USP8: variants seen among roughly 807,000 people sequenced by gnomAD.
The protein encoded by USP8 is ubiquitin specific peptidase 8.
USP8 carries 27 observed loss-of-function variants against 130.0 expected under a neutral mutation model. The observed-to-expected ratio is 0.21, with a 90% CI of 0.15 to 0.29. USP8 has a LOEUF of 0.29. Ranked by LOEUF, USP8 falls within the 10% of genes least tolerant of loss-of-function variation. The pLI is 1.00. For missense variants in USP8, 1,029 were observed against 1,312.2 expected (o/e 0.78, Z 3.33); for synonymous variants, 392 against 444.1 (o/e 0.88, Z 1.48).
chr15:50,498,425 A>G (rs1008483287), intron 18 of USP8, 171 bp from the exon 19 acceptor site: 8 of 829,080 alleles, frequency 9.6e-6, no homozygotes, highest in Non-Finnish European at 1.4e-5. Context: ...TCTTGTTTGT[A>G]AAATGGAAAT....
At chr15:50,475,989 G>A (rs533162848) in intron 8 of USP8, among the ~76,000 whole-genome samples, 1 of 152,242 alleles carries the variant, frequency 6.6e-6, no homozygotes, top group African/African-American at 2.4e-5. Context: ...CTTAGCTTAA[G>A]CAACTCCCTT....
intron 10 of USP8, among the ~76,000 whole-genome samples, chr15:50,481,083 C>T (rs977042661): frequency 1.3e-4 from 20 of 152,056 alleles, no homozygotes; most frequent in African/African-American, 3.9e-4. Flanking sequence ...ATCGTGAATC[C>T]GTTTTGGCTG....
chr15:50,441,197 C>T (rs1005306360), intron 2 of USP8, 152 bp from the exon 3 acceptor site: 14 of 628,146 alleles, frequency 2.2e-5, no homozygotes, highest in East Asian at 9.8e-5. Flanking sequence ...GTCTGCTGTG[C>T]GTCCTGGTTC....
chr15:50,491,777 CCAG>C (rs2141319605), intron 14 of USP8, among the ~76,000 whole-genome samples: 1 of 152,350 alleles, frequency 6.6e-6, no homozygotes, highest in East Asian at 1.9e-4. Flanking sequence ...CCAGCACTGT[CCAG>C]CAGATCTTTC....
rs770689793 is a variant in USP8, at chr15:50,499,057, T to C, written c.3326T>C (p.Leu1109Ser). 4 of 1,612,552 alleles carry C rather than the reference T, an allele frequency of 2.5e-6. No individual in the cohort carries two copies. Among genetic ancestry groups the C allele is most frequent in the Non-Finnish European group, 2.5e-6 (3 of 1,179,252 alleles). Residue 1109 changes from leucine (L) to serine (S), a missense_variant, in exon 20 of 20, where the codon TTG (leucine) becomes TCG (serine). Physicochemically the swap from Leu to Ser is moderately radical, Grantham distance 145. This residue lies in a region of USP8 where 257 missense variants were observed against 429.8 expected (regional missense o/e 0.60). Transcript: ENST00000307179. ...SAAYILFYTSLGPRVTDVAT is the reference protein window; with the variant it reads ...SAAYILFYTSSGPRVTDVAT ...GCTTATATCCTCTTTTATACTTCAT[T>C]GGGACCACGAGTAACTGATGTAGCC...
intron 1 of USP8, among the ~76,000 whole-genome samples, chr15:50,426,079 T>C (rs12593481): frequency 0.51 from 77,518 of 152,042 alleles, 20,013 homozygotes; most frequent in East Asian, 0.59. Flanking sequence ...CGAGATTGCG[T>C]CATTGCACTC....
Position 50,488,650 on chromosome 15 carries a change from C to T in USP8, c.1891-1151C>T, listed in dbSNP as rs375439721. 9.6e-4 allele frequency among the ~76,000 whole-genome samples: 145 copies of T among 150,588 alleles called. 4 individuals are homozygous for T. In the South Asian group the frequency reaches 0.024, roughly 25 times the overall value. The stretch of plus-strand genomic sequence containing the variant: ...CACAAACTCAGCTCACTGCAACCTC[C>T]GCCTCCCAGGTTCAAGCAATTCTCC... On this transcript the variant is annotated intron_variant, in intron 12 of 19. Transcript: ENST00000307179.
rs2052737074 is a variant in USP8 at position 50,511,319 on chromosome 15, G to C, written c.*12231G>C. On this transcript the variant is annotated 3_prime_UTR_variant, in exon 20 of 20. Coordinates refer to ENST00000307179, the MANE Select transcript of USP8 (RefSeq NM_005154.5). ...GGAAACTGGAACCTTAGTTCCAGTT[G>C]CTGGTGGGAACGTAAAATGCTGCTG... 6.6e-6 allele frequency: 1 copy of C among 152,134 alleles called. No individual in the cohort carries two copies. Among genetic ancestry groups the C allele is most frequent in the Non-Finnish European group, 1.5e-5 (1 of 68,024 alleles). The allele number at this position is 152,134 out of a possible 1,614,324, so 9.4% of individuals were successfully genotyped here.
Position 50,477,358 on chromosome 15 carries a change from T to G in USP8, c.1077T>G (p.Asp359Glu), listed in dbSNP as rs1407040575. ...CGCCACCTGCATCTATAGAAGTAGATGAAAATATAGAATTGATAAGTGGTC... is the reference window on the plus strand; with the variant it reads ...CGCCACCTGCATCTATAGAAGTAGAGGAAAATATAGAATTGATAAGTGGTC... ...AQTPPASIEVDENIELISGQN... is the reference protein window; with the variant it reads ...AQTPPASIEVEENIELISGQN... The change falls in exon 10 of 20, where the codon GAT becomes GAG. Residue 359 changes from aspartate (D) to glutamate (E), a missense_variant. By Grantham distance (45) the Asp-to-Glu change is conservative. This residue lies in a region of USP8 where 486 missense variants were observed against 522.0 expected (regional missense o/e 0.93). Coordinates refer to ENST00000307179, the MANE Select transcript of USP8 (RefSeq NM_005154.5). 6.2e-7 allele frequency: 1 copy of G among 1,614,106 alleles called. No homozygotes were observed. The highest frequency in any genetic ancestry group is 1.7e-5 in the Admixed American group (1 of 60,006).
At chr15:50,448,186 A>C (rs1443183968) in intron 3 of USP8, among the ~76,000 whole-genome samples, 1 of 152,218 alleles carries the variant, frequency 6.6e-6, no homozygotes, top group African/African-American at 2.4e-5. Flanking sequence ...ACTGAGAGCC[A>C]AAGATAGGTA....
Position 50,464,931 on chromosome 15 carries a change from C to T in USP8, c.542-116C>T, listed in dbSNP as rs2051133888. 1.7e-5 allele frequency: 17 copies of T among 1,005,472 alleles called. No individual in the cohort carries two copies. The East Asian group carries it at 4.5e-4, about 27-fold the overall frequency. 62.3% of individuals were successfully genotyped at this position (1,005,472 alleles called of 1,614,324 possible). The stretch of plus-strand genomic sequence containing the variant: ...TGATGGAGTAGTAAATATGTGGCAT[C>T]CATATATATTCAGTATACTTTGCTC... On this transcript the variant is annotated intron_variant, in intron 6 of 19. Coordinates refer to ENST00000307179, the MANE Select transcript of USP8 (RefSeq NM_005154.5).
chr15:50,475,631 T>C (rs533626082), intron 8 of USP8, among the ~76,000 whole-genome samples: 3 of 152,214 alleles, frequency 2.0e-5, no homozygotes, highest in Admixed American at 6.5e-5. Context: ...AGATGAAGTC[T>C]CACTCTTATC....
At chr15:50,478,535 AT>A (rs751819360) in intron 10 of USP8, among the ~76,000 whole-genome samples, 1 of 152,120 alleles carries the variant, frequency 6.6e-6, no homozygotes, top group Non-Finnish European at 1.5e-5. Flanking sequence ...TCATTTCTTC[AT>A]TTTTTTAAGG....
At chr15:50,474,106 G>C (rs2051480459) in intron 8 of USP8, among the ~76,000 whole-genome samples, 1 of 152,076 alleles carries the variant, frequency 6.6e-6, no homozygotes, top group Non-Finnish European at 1.5e-5. Flanking sequence ...CTGTGCTCAG[G>C]TAGTCCTCCC....
At chr15:50,478,916 G>A (rs925779305) in intron 10 of USP8, among the ~76,000 whole-genome samples, 7 of 151,998 alleles carry the variant, frequency 4.6e-5, no homozygotes, top group African/African-American at 1.4e-4. Flanking sequence ...TTAGCCAGGC[G>A]TGGTGGTGCG....
At chr15:50,432,166 A>T (rs139798391) in intron 1 of USP8, among the ~76,000 whole-genome samples, 54 of 152,324 alleles carry the variant, frequency 3.5e-4, no homozygotes, top group African/African-American at 1.3e-3. Context: ...AAGAACTGGG[A>T]CCATAAAGGA....
In USP8 at chr15:50,511,228, C is replaced by T. The variant is rs1334018305; in HGVS notation, c.*12140C>T. ...AACTCAAAACCATGACATACCAGTT[C>T]ATACCTACTTTGTATGGGATAGAAT... On this transcript the variant is annotated 3_prime_UTR_variant, in exon 20 of 20. Coordinates refer to ENST00000307179, the MANE Select transcript of USP8 (RefSeq NM_005154.5). The T allele has an allele frequency of 6.6e-6, 1 of 152,182 alleles. No individual in the cohort carries two copies. Among genetic ancestry groups the T allele is most frequent in the Non-Finnish European group, 1.5e-5 (1 of 68,046 alleles). 9.4% of individuals were successfully genotyped at this position (152,182 alleles called of 1,614,324 possible).
In USP8 at chr15:50,489,876, G is replaced by A. The variant is rs1388007452; in HGVS notation, c.1966G>A (p.Ala656Thr). The change falls in exon 13 of 20, where the codon GCC becomes ACC. Residue 656 changes from alanine (A) to threonine (T), a missense_variant. Physicochemically the swap from Ala to Thr is moderately conservative, Grantham distance 58. This residue lies in a region of USP8 where 486 missense variants were observed against 522.0 expected (regional missense o/e 0.93). Coordinates refer to ENST00000307179, the MANE Select transcript of USP8 (RefSeq NM_005154.5). ...CGTACCAGGACTGCCTTCAGGCTGGGCCAAGGTAAAAGTCAGAATTAGCAG... is the reference window on the plus strand; with the variant it reads ...CGTACCAGGACTGCCTTCAGGCTGGACCAAGGTAAAAGTCAGAATTAGCAG... The part of the protein sequence containing the change: ...RIVPGLPSGW[A>T]KFLDPITGTF... The A allele has an allele frequency of 6.3e-7, 1 of 1,578,366 alleles. No homozygotes were observed. Among genetic ancestry groups the A allele is most frequent in the African/African-American group, 1.4e-5 (1 of 73,228 alleles).
chr15:50,448,521 ATT>A (rs375945346), intron 3 of USP8, among the ~76,000 whole-genome samples: 7 of 143,946 alleles, frequency 4.9e-5, no homozygotes, highest in Admixed American at 7.0e-5. Context: ...TAAAGGTGGA[ATT>A]TTTTTTTTTT....
Sources: allele counts gnomAD v4.1 joint callset (sites outside exome capture counted in the v4.1 genomes callset), GRCh38; gene constraint gnomAD v4.1.1; regional missense constraint gnomAD v4.1.1; transcripts MANE v1.5; gene names NCBI Gene and HGNC (gene_info 2026-07-23, HGNC 2026-07-21).